Variants in SEMA3A observed in about 807,000 individuals in gnomAD.
The protein encoded by SEMA3A is semaphorin-3A.
SEMA3A carries 29 observed loss-of-function variants against 97.9 expected under a neutral mutation model. The ratio of observed to expected loss-of-function variants is 0.30; its 90% CI spans 0.22 to 0.40. The LOEUF is 0.40. SEMA3A is among the 10% of genes least tolerant of loss of function. SEMA3A has a pLI of 1.00. For missense variants in SEMA3A, 763 were observed against 951.3 expected (o/e 0.80, Z 2.60); for synonymous variants, 321 against 323.7 (o/e 0.99, Z 0.09).
At chr7:84,455,440 C>T (rs1460404085) in intron 1 of SEMA3A, among the ~76,000 whole-genome samples, 1 of 151,826 alleles carries the variant, frequency 6.6e-6, no homozygotes, top group East Asian at 1.9e-4. Flanking sequence ...ACTAATATTT[C>T]TAAATGTTCA....
At chr7:84,238,292 C>T (rs1219270021) in intron 3 of SEMA3A, among the ~76,000 whole-genome samples, 2 of 152,084 alleles carry the variant, frequency 1.3e-5, no homozygotes, top group African/African-American at 4.8e-5. Flanking sequence ...GCCTTGAACT[C>T]CTGACCTCAG....
chr7:84,399,265 G>C (rs1803831688), intron 1 of SEMA3A, among the ~76,000 whole-genome samples: 1 of 152,178 alleles, frequency 6.6e-6, no homozygotes, highest in Non-Finnish European at 1.5e-5. Flanking sequence ...GGAATCCATT[G>C]TCCTGGCAGA....
intron 1 of SEMA3A, among the ~76,000 whole-genome samples, chr7:84,172,011 C>T (rs1451556509): frequency 6.6e-6 from 1 of 152,158 alleles, no homozygotes; most frequent in Non-Finnish European, 1.5e-5. Context: ...AGAATTCACT[C>T]TACTTTTTTC....
At chr7:84,244,344 T>C (rs1799432753) in intron 3 of SEMA3A, among the ~76,000 whole-genome samples, 1 of 152,196 alleles carries the variant, frequency 6.6e-6, no homozygotes, top group South Asian at 2.1e-4. Context: ...CACTATATAA[T>C]GCCCGTCTTT....
At chr7:84,208,234 T>C (rs994187523) in intron 3 of SEMA3A, among the ~76,000 whole-genome samples, 6 of 152,126 alleles carry the variant, frequency 3.9e-5, no homozygotes, top group South Asian at 4.2e-4. Flanking sequence ...GGGCAGATCG[T>C]GAGGTCAGGA....
At chr7:84,351,406 T>C (rs946485100) in intron 2 of SEMA3A, among the ~76,000 whole-genome samples, 1 of 152,122 alleles carries the variant, frequency 6.6e-6, no homozygotes, top group Non-Finnish European at 1.5e-5. Flanking sequence ...TAACTCATCA[T>C]GATAACTTTT....
At position 84,120,038 on chromosome 7, in the gene SEMA3A, C is replaced by A. The variant is rs149943148; in HGVS notation, c.333+9085G>T. Among the ~76,000 whole-genome samples, 974 of 151,862 alleles carry A rather than the reference C, an allele frequency of 6.4e-3. 5 individuals are homozygous for A. The highest frequency in any genetic ancestry group is 0.022 in the African/African-American group (909 of 41,392). On this transcript the variant is annotated intron_variant, in intron 3 of 16. Transcript: ENST00000265362. The stretch of plus-strand genomic sequence containing the variant: ...GTAAAAAAGGAACACAAATCAAAAT[C>A]TCCAAATCTTCTGAAAGATGTTTAT...
chr7:84,229,741 TC>T (rs1339968446), intron 3 of SEMA3A, among the ~76,000 whole-genome samples: 5 of 152,070 alleles, frequency 3.3e-5, no homozygotes, highest in African/African-American at 1.2e-4. Flanking sequence ...GTTATATTAA[TC>T]CCTTTCTCTA....
intron 3 of SEMA3A, among the ~76,000 whole-genome samples, chr7:84,209,085 A>G (rs925814234): frequency 6.6e-6 from 1 of 152,176 alleles, no homozygotes; most frequent in Non-Finnish European, 1.5e-5. Flanking sequence ...GTTTTATTTC[A>G]TGTATGCTAT....
intron 1 of SEMA3A, among the ~76,000 whole-genome samples, chr7:84,152,497 T>C (rs1271193888): frequency 1.5e-5 from 2 of 131,240 alleles, no homozygotes; most frequent in African/African-American, 5.9e-5. Flanking sequence ...AACAATGAGA[T>C]CACATGGACA....
intron 1 of SEMA3A, among the ~76,000 whole-genome samples, chr7:84,162,269 T>A (rs1315589230): frequency 1.3e-5 from 2 of 152,192 alleles, no homozygotes; most frequent in African/African-American, 2.4e-5. Context: ...GATGTTATTA[T>A]GCTCTGTGAG....
chr7:83,994,048 C>T (rs1003504440), intron 12 of SEMA3A, among the ~76,000 whole-genome samples: 40 of 150,222 alleles, frequency 2.7e-4, no homozygotes, highest in African/African-American at 7.4e-4. Flanking sequence ...CTTCCCTTCT[C>T]GCCTCATTTC....
chr7:84,059,534 C>T (rs980719190), intron 5 of SEMA3A, among the ~76,000 whole-genome samples: 1 of 151,520 alleles, frequency 6.6e-6, no homozygotes, highest in African/African-American at 2.4e-5. Context: ...TATCAGATAA[C>T]CTAAATTTAA....
Position 84,155,373 on chromosome 7 carries a change from A to G in SEMA3A, c.113-20422T>C, listed in dbSNP as rs575151913. Among the ~76,000 whole-genome samples, 3 of 152,248 alleles carry G rather than the reference A, an allele frequency of 2.0e-5. No individual in the cohort carries two copies. In the South Asian group the frequency reaches 6.2e-4, roughly 32 times the overall value. ...GTTGTCGTCTATTTTAGCTTTCATC[A>G]AACTCTATACTTTACTAGTCCACCG... On this transcript the variant is annotated intron_variant, in intron 1 of 16. Transcript: ENST00000265362.
intron 6 of SEMA3A, among the ~76,000 whole-genome samples, chr7:84,044,944 C>T (rs1419658119): frequency 2.0e-5 from 3 of 152,006 alleles, no homozygotes; most frequent in Non-Finnish European, 4.4e-5. Context: ...ATGCCTTTGT[C>T]ACTACCACAT....
intron 1 of SEMA3A, among the ~76,000 whole-genome samples, chr7:84,479,730 G>A (rs1418851765): frequency 1.3e-5 from 2 of 152,088 alleles, no homozygotes; most frequent in Admixed American, 1.3e-4. Flanking sequence ...CAAATAATGT[G>A]AATATACGTC....
intron 1 of SEMA3A, among the ~76,000 whole-genome samples, chr7:84,415,298 C>A (rs1804402223): frequency 6.6e-6 from 1 of 151,844 alleles, no homozygotes; most frequent in Admixed American, 6.6e-5. Context: ...AGAAAATTTA[C>A]CAAAATTGTA....
Position 84,134,777 on chromosome 7 carries a change from T to C in SEMA3A, c.270+17A>G, listed in dbSNP as rs377219757. 7.6e-6 allele frequency: 12 copies of C among 1,574,526 alleles called. No homozygotes were observed. In the Admixed American group the frequency reaches 1.6e-4, roughly 21 times the overall value. On this transcript the variant is annotated intron_variant, in intron 2 of 16. Coordinates refer to ENST00000265362, the MANE Select transcript of SEMA3A (RefSeq NM_006080.3). ...TGCTTCAAAATAACTATAGTGCATA[T>C]ATTAGAATACTGATACCTTTTGAAA...
intron 1 of SEMA3A, among the ~76,000 whole-genome samples, chr7:84,477,217 T>G (rs368773673): frequency 6.6e-6 from 1 of 150,594 alleles, no homozygotes; most frequent in Non-Finnish European, 1.5e-5. Context: ...GGTGGGCGGA[T>G]CACAAGGTCA....
Sources: gnomAD v4.1 joint callset for allele counts (sites outside exome capture counted in the v4.1 genomes callset) on GRCh38, gnomAD v4.1.1 for gene constraint, MANE v1.5 for transcripts, NCBI Gene and HGNC (gene_info 2026-07-23, HGNC 2026-07-21) for gene names.